Variants in MAGI3 observed in about 807,000 individuals in gnomAD.
The protein encoded by MAGI3 is membrane associated guanylate kinase, WW and PDZ domain containing 3.
Under a neutral mutation model 121.8 loss-of-function variants are expected in MAGI3, and 43 were observed. That is an observed-to-expected ratio of 0.35 (90% CI 0.28 to 0.46). MAGI3 has a LOEUF of 0.46. Ranked by LOEUF, MAGI3 falls within the 20% of genes least tolerant of loss-of-function variation. MAGI3 has a pLI of 1.00. For missense variants in MAGI3, 1,547 were observed against 1,797.3 expected (o/e 0.86, Z 2.52); for synonymous variants, 553 against 639.3 (o/e 0.86, Z 2.04).
At chr1:113,443,817 A>G (rs1654032425) in intron 1 of MAGI3, among the ~76,000 whole-genome samples, 1 of 152,228 alleles carries the variant, frequency 6.6e-6, no homozygotes, top group Admixed American at 6.5e-5. Context: ...TATGTTTTAT[A>G]TATTTATTCA....
chr1:113,659,290 C>T (rs375653958), intron 16 of MAGI3, 25 bp downstream of exon 16: 7 of 1,607,738 alleles, frequency 4.4e-6, no homozygotes, highest in African/African-American at 1.3e-5. Context: ...GACGCGCCTG[C>T]CCCAAGCTGA....
rs1241131043 is a variant in MAGI3 at position 113,683,743 on chromosome 1, A to C, written c.4175A>C (p.Glu1392Ala). 6.2e-7 allele frequency: 1 copy of C among 1,601,672 alleles called. No individual in the cohort carries two copies. The stretch of plus-strand genomic sequence containing the variant: ...AAAGGAAAGAAAGTAACCACAGGAG[A>C]AACAAGTTCTAGTAACGATAAAATA... ...NEKGKKVTTG[E>A]TSSSNDKIGE... Residue 1392 changes from glutamate (E) to alanine (A), a missense_variant, in exon 21 of 21, where the codon GAA becomes GCA. Glu to Ala is a moderately radical substitution (Grantham distance 107). Transcript: ENST00000307546.
intron 1 of MAGI3, among the ~76,000 whole-genome samples, chr1:113,509,047 A>G (rs913370382): frequency 3.3e-5 from 5 of 152,148 alleles, no homozygotes; most frequent in Non-Finnish European, 7.4e-5. Flanking sequence ...AAGCAAGAGG[A>G]TCTTTGTGGA....
intron 15 of MAGI3, among the ~76,000 whole-genome samples, chr1:113,655,002 A>C (rs1282520632): frequency 6.6e-6 from 1 of 152,222 alleles, no homozygotes; most frequent in Non-Finnish European, 1.5e-5. Context: ...AGGGAAAAAG[A>C]GTCCATGACA....
intron 1 of MAGI3, among the ~76,000 whole-genome samples, chr1:113,493,928 G>A (rs1307878622): frequency 1.3e-5 from 2 of 152,190 alleles, no homozygotes; most frequent in African/African-American, 4.8e-5. Context: ...GGGAATGAGT[G>A]TAAATTAGTT....
intron 5 of MAGI3, among the ~76,000 whole-genome samples, 186 bp from the exon 6 acceptor site, chr1:113,594,295 C>G (rs1648863728): frequency 6.6e-6 from 1 of 152,154 alleles, no homozygotes; most frequent in Non-Finnish European, 1.5e-5. Flanking sequence ...ATTACCATTC[C>G]TTTATGGAAA....
intron 1 of MAGI3, among the ~76,000 whole-genome samples, chr1:113,506,497 TGTC>T (rs753437058): frequency 2.6e-5 from 4 of 152,036 alleles, no homozygotes; most frequent in Non-Finnish European, 5.9e-5. Context: ...TGACCCTCAA[TGTC>T]GTTCTGTTGT....
At chr1:113,405,700 T>G (rs1425237805) in intron 1 of MAGI3, among the ~76,000 whole-genome samples, 1 of 152,118 alleles carries the variant, frequency 6.6e-6, no homozygotes, top group Non-Finnish European at 1.5e-5. Context: ...AGATCTGGAC[T>G]GTCTGTGTCT....
intron 1 of MAGI3, among the ~76,000 whole-genome samples, chr1:113,534,357 G>A (rs775505518): frequency 1.4e-4 from 22 of 152,146 alleles, no homozygotes; most frequent in Non-Finnish European, 2.9e-4. Flanking sequence ...TTAAGGTCAT[G>A]AGTTAGATCC....
At chr1:113,425,884 T>C (rs917624808) in intron 1 of MAGI3, among the ~76,000 whole-genome samples, 1 of 152,156 alleles carries the variant, frequency 6.6e-6, no homozygotes, top group Non-Finnish European at 1.5e-5. Flanking sequence ...TTTTGTTTAA[T>C]TGATTTTTTA....
intron 1 of MAGI3, among the ~76,000 whole-genome samples, chr1:113,482,881 C>T (rs1241545993): frequency 1.3e-5 from 2 of 151,934 alleles, no homozygotes; most frequent in Admixed American, 1.3e-4. Flanking sequence ...TCTTGGCTCA[C>T]TGCAGCCTCA....
chr1:113,410,038 TCAC>T (rs1324255855), intron 1 of MAGI3, among the ~76,000 whole-genome samples: 1 of 152,174 alleles, frequency 6.6e-6, no homozygotes, highest in Admixed American at 6.6e-5. Flanking sequence ...TCGTCTTTTA[TCAC>T]CACATTTCTT....
intron 1 of MAGI3, among the ~76,000 whole-genome samples, chr1:113,468,835 A>C (rs1557773046): frequency 6.6e-6 from 1 of 152,110 alleles, no homozygotes; most frequent in African/African-American, 2.4e-5. Flanking sequence ...ACATTTGTAG[A>C]TCTCGTATTT....
intron 9 of MAGI3, among the ~76,000 whole-genome samples, chr1:113,638,483 G>T (rs1444068905): frequency 6.6e-6 from 1 of 152,260 alleles, no homozygotes; most frequent in Non-Finnish European, 1.5e-5. Context: ...GTTGGAGTTT[G>T]CTAGAGGTCC....
chr1:113,601,090 A>C (rs1038404801), intron 6 of MAGI3, among the ~76,000 whole-genome samples: 3 of 152,044 alleles, frequency 2.0e-5, no homozygotes, highest in Admixed American at 6.5e-5. Flanking sequence ...TAAAGACTTA[A>C]ATGTTAGACC....
intron 1 of MAGI3, chr1:113,449,608 G>C: frequency 1.5e-6 from 1 of 650,146 alleles, no homozygotes; most frequent in East Asian, 2.7e-5. Flanking sequence ...CCAATAGATT[G>C]AGTTTATTAT....
intron 9 of MAGI3, among the ~76,000 whole-genome samples, chr1:113,630,670 G>A (rs992620488): frequency 4.6e-5 from 7 of 152,166 alleles, no homozygotes; most frequent in East Asian, 1.9e-4. Flanking sequence ...GCAGGCAGGT[G>A]ATGAAACCTG....
At chr1:113,539,190 C>T (rs906488915) in intron 1 of MAGI3, among the ~76,000 whole-genome samples, 7 of 151,988 alleles carry the variant, frequency 4.6e-5, no homozygotes, top group South Asian at 2.1e-4. Flanking sequence ...GTCAAGAGAT[C>T]GAGACCATCC....
chr1:113,653,747 G>C (rs560283260), intron 14 of MAGI3, 83 bp from the exon 15 acceptor site: 177 of 1,218,020 alleles, frequency 1.5e-4, no homozygotes, highest in Non-Finnish European at 1.9e-4. Flanking sequence ...GAATTTTTCT[G>C]TGAGAGGCTT....
Sources: allele counts gnomAD v4.1 joint callset (sites outside exome capture counted in the v4.1 genomes callset), GRCh38; gene constraint gnomAD v4.1.1; transcripts MANE v1.5; gene names NCBI Gene and HGNC (gene_info 2026-07-23, HGNC 2026-07-21).